Variants in SNRPN observed in about 807,000 individuals in gnomAD.
The protein encoded by SNRPN is small nuclear ribonucleoprotein polypeptide N, also known as small nuclear ribonucleoprotein-associated protein N.
Under a neutral mutation model 25.2 loss-of-function variants are expected in SNRPN, and 7 were observed. The observed-to-expected ratio is 0.28, with a 90% CI of 0.16 to 0.52. The LOEUF is 0.52. Ranked by LOEUF, SNRPN falls within the 20% of genes least tolerant of loss-of-function variation. The pLI is 0.96. For missense variants in SNRPN, 196 were observed against 322.5 expected (o/e 0.61, Z 3.00); for synonymous variants, 124 against 110.6 (o/e 1.12, Z -0.76).
At chr15:24,951,031 G>C (rs2062229390), upstream of SNRPN, among the ~76,000 whole-genome samples, 1 of 151,750 alleles carries the variant, frequency 6.6e-6, no homozygotes, top group South Asian at 2.1e-4. Context: ...GCTAATTTTT[G>C]TATTTTTTAG....
intron 2 of SNRPN, among the ~76,000 whole-genome samples, chr15:24,897,842 T>C (rs2151189362): frequency 6.6e-6 from 1 of 152,314 alleles, no homozygotes; most frequent in African/African-American, 2.4e-5. Flanking sequence ...TTCCTAGCCA[T>C]GTGGAACTGT....
intron 2 of SNRPN, chr15:24,849,328 C>T (rs946350601): frequency 3.3e-5 from 5 of 152,228 alleles, no homozygotes; most frequent in African/African-American, 1.2e-4. Flanking sequence ...ACTGATCATA[C>T]AATTACAAAA....
chr15:24,908,891 G>T, intron 2 of SNRPN: 3 of 784,932 alleles, frequency 3.8e-6, no homozygotes, highest in South Asian at 1.8e-5. Context: ...TAAGTTTATT[G>T]TCTGTATCTG....
intron 2 of SNRPN, among the ~76,000 whole-genome samples, chr15:24,895,355 A>G (rs2058010339): frequency 6.6e-6 from 1 of 151,346 alleles, no homozygotes; most frequent in African/African-American, 2.4e-5. Flanking sequence ...TTGGGTTGGC[A>G]TGTCCTGAAT....
At chr15:24,951,606 C>G (rs1331773313), upstream of SNRPN, among the ~76,000 whole-genome samples, 1 of 151,384 alleles carries the variant, frequency 6.6e-6, no homozygotes, top group Non-Finnish European at 1.5e-5. Flanking sequence ...CTCCTGGGTT[C>G]AAGGGATTCT....
intron 3 of SNRPN, among the ~76,000 whole-genome samples, chr15:24,944,911 G>A (rs549617342): frequency 7.2e-5 from 11 of 152,210 alleles, no homozygotes; most frequent in African/African-American, 2.4e-4. Flanking sequence ...TTTTTCTTTG[G>A]TTTGTTTTCT....
intron 2 of SNRPN, among the ~76,000 whole-genome samples, chr15:24,887,932 G>C (rs1468963347): frequency 6.6e-6 from 1 of 152,054 alleles, no homozygotes; most frequent in Non-Finnish European, 1.5e-5. Flanking sequence ...CTTATATTAA[G>C]TCATAGGACA....
chr15:24,933,114 C>G (rs1032693398), intron 3 of SNRPN, among the ~76,000 whole-genome samples: 1 of 152,018 alleles, frequency 6.6e-6, no homozygotes, highest in Non-Finnish European at 1.5e-5. Flanking sequence ...ATAAAATTAG[C>G]CGGGCTTGGA....
intron 2 of SNRPN, among the ~76,000 whole-genome samples, chr15:24,905,701 A>T (rs2058756703): frequency 6.6e-6 from 1 of 152,218 alleles, no homozygotes; most frequent in Admixed American, 6.5e-5. Context: ...AAATAAAAGA[A>T]AAACAAAGAT....
At chr15:24,825,400 T>C (rs2050013819) in intron 1 of SNRPN, among the ~76,000 whole-genome samples, 1 of 152,008 alleles carries the variant, frequency 6.6e-6, no homozygotes, top group Admixed American at 6.6e-5. Context: ...AGAAGTTTTC[T>C]GGGGAAACAA....
chr15:24,976,408 C>A lies in SNRPN; in HGVS notation c.259C>A (p.Pro87Thr), dbSNP rs902699120. 4 of 1,605,428 alleles carry A rather than the reference C, an allele frequency of 2.5e-6. No individual in the cohort carries two copies. The highest frequency in any genetic ancestry group is 3.4e-5 in the Admixed American group (2 of 59,030). ...ATCCATGACTGTGGAGGGGCCACCC[C>A]CCAAAGATGTAAGGAAGATGTAGGG... Reference protein sequence around the residue: ...LVSMTVEGPPPKDTGIARVPL... With the variant: ...LVSMTVEGPPTKDTGIARVPL... Residue 87 changes from proline (P) to threonine (T), a missense_variant, in exon 6 of 10, where the codon CCC becomes ACC. By Grantham distance (38) the Pro-to-Thr change is conservative. Transcript: ENST00000390687.
intron 1 of SNRPN, among the ~76,000 whole-genome samples, chr15:24,876,053 C>CA (rs59618495): frequency 0.38 from 53,294 of 140,050 alleles, 10,330 homozygotes; most frequent in East Asian, 0.53. Flanking sequence ...TACTTTGTCT[C>CA]AAAAAAAAAA....
intron 4 of SNRPN, chr15:24,974,715 A>G (rs1393410196): frequency 1.6e-6 from 1 of 607,714 alleles, no homozygotes; most frequent in African/African-American, 1.9e-5. Flanking sequence ...TGGGTTCAAG[A>G]GATTCTCGTG....
At chr15:24,971,480 C>T (rs1455703085) in intron 3 of SNRPN, among the ~76,000 whole-genome samples, 2 of 152,030 alleles carry the variant, frequency 1.3e-5, no homozygotes, top group Non-Finnish European at 2.9e-5. Flanking sequence ...AGGAGGTCAA[C>T]TCCTATTGTG....
intron 1 of SNRPN, among the ~76,000 whole-genome samples, chr15:24,879,038 T>A (rs909526212): frequency 7.9e-5 from 12 of 152,000 alleles, no homozygotes; most frequent in Admixed American, 2.6e-4. Flanking sequence ...AAAATATATT[T>A]AAAAAAGTAT....
At chr15:24,965,507 C>A (rs2075482896) in intron 2 of SNRPN, among the ~76,000 whole-genome samples, 1 of 152,066 alleles carries the variant, frequency 6.6e-6, no homozygotes. Flanking sequence ...ATTGGCTGTG[C>A]CTGGGTGACA....
intron 3 of SNRPN, among the ~76,000 whole-genome samples, chr15:24,972,033 G>A (rs148823635): frequency 2.2e-3 from 342 of 152,180 alleles, no homozygotes; most frequent in African/African-American, 7.9e-3. Flanking sequence ...AGGCCGGCAG[G>A]TCACCTGAAG....
intron 1 of SNRPN, among the ~76,000 whole-genome samples, chr15:24,870,746 A>G (rs1036168704): frequency 6.6e-6 from 1 of 150,918 alleles, no homozygotes; most frequent in Non-Finnish European, 1.5e-5. Context: ...TATATCATAC[A>G]TTTCTTATTC....
At chr15:24,976,259 G>A (rs749915726) in intron 5 of SNRPN, 46 bp from the exon 6 acceptor site, 1 of 1,375,168 alleles carries the variant, frequency 7.3e-7, no homozygotes, top group Non-Finnish European at 1.0e-6. Flanking sequence ...TGATGAGTGA[G>A]TGATCACTAA....
Sources: allele counts gnomAD v4.1 joint callset (sites outside exome capture counted in the v4.1 genomes callset), GRCh38; gene constraint gnomAD v4.1.1; transcripts MANE v1.5; gene names NCBI Gene and HGNC (gene_info 2026-07-23, HGNC 2026-07-21).